The following ALKAL1 variants were observed in gnomAD, a reference collection of about 807,000 sequenced individuals.
The protein encoded by ALKAL1 is AUG-beta.
Under a neutral mutation model 13.5 loss-of-function variants are expected in ALKAL1, and 23 were observed. The ratio of observed to expected loss-of-function variants is 1.70; its 90% CI spans 1.23 to 2.41. ALKAL1 has a LOEUF of 2.41. Among genes scored for constraint, ALKAL1 ranks in the 30% most tolerant of loss-of-function variants. The probability of loss-of-function intolerance (pLI) is 0.00; values close to 1 mark genes in which losing one functional copy is unlikely to be tolerated. For synonymous variants in ALKAL1, 85 were observed against 77.7 expected, an observed-to-expected ratio of 1.09 and a Z score of -0.49; for missense variants, 181 against 178.4, an observed-to-expected ratio of 1.01 and a Z score of -0.08.
intron 1 of ALKAL1, among the ~76,000 whole-genome samples, chr8:52,552,211 C>T (rs1192096570): frequency 6.6e-6 from 1 of 152,116 alleles, no homozygotes; most frequent in Non-Finnish European, 1.5e-5. Context: ...TTGAGATTTG[C>T]CTGATGTTTT....
chr8:52,565,084 C>G lies in ALKAL1; in HGVS notation c.173G>C (p.Ser58Thr). 1 of 1,410,832 alleles carries G rather than the reference C, an allele frequency of 7.1e-7. No individual in the cohort carries two copies. The highest frequency in any genetic ancestry group is 9.3e-7 in the Non-Finnish European group (1 of 1,079,628). The allele number at this position is 1,410,832 out of a possible 1,614,324, so 87.4% of individuals were successfully genotyped here. A position where few individuals can be genotyped will look rare whatever the true frequency, so the allele number is the denominator to read the frequency against. ...CATCGTACCTGCGCTCCGGGAGCCG[C>G]TGGGAGTCCGGCCGGCCCCGGCCGC... Reference protein sequence around the residue: ...LPAAGAGRTPSGSRSAEIFPR... With the variant: ...LPAAGAGRTPTGSRSAEIFPR... The change falls in exon 1 of 5, where the codon AGC becomes ACC. Residue 58 changes from serine (S) to threonine (T), a missense_variant. By Grantham distance (58) the Ser-to-Thr change is moderately conservative (BLOSUM62 1). Transcript: ENST00000358543.
intron 1 of ALKAL1, among the ~76,000 whole-genome samples, chr8:52,562,160 A>G (rs1416639483): frequency 6.6e-6 from 1 of 152,130 alleles, no homozygotes; most frequent in East Asian, 1.9e-4. Flanking sequence ...GAGGAATGAG[A>G]GAGCAGGAGC....
chr8:52,548,454 G>C (rs1051462844), intron 1 of ALKAL1, among the ~76,000 whole-genome samples: 1 of 152,034 alleles, frequency 6.6e-6, no homozygotes, highest in African/African-American at 2.4e-5. Context: ...GATGACTACA[G>C]TAAACAATAA....
intron 1 of ALKAL1, among the ~76,000 whole-genome samples, chr8:52,562,746 G>A (rs1377974800): frequency 1.3e-5 from 2 of 150,390 alleles, no homozygotes; most frequent in South Asian, 2.1e-4. Context: ...TGCTTATTAC[G>A]TCACTACAGA....
intron 1 of ALKAL1, among the ~76,000 whole-genome samples, chr8:52,553,824 G>T (rs1847453273): frequency 6.6e-6 from 1 of 152,162 alleles, no homozygotes; most frequent in South Asian, 2.1e-4. Context: ...CTGATCTCAT[G>T]AAAATGATTT....
chr8:52,563,365 A>C (rs970117932), intron 1 of ALKAL1, among the ~76,000 whole-genome samples: 1 of 152,144 alleles, frequency 6.6e-6, no homozygotes, highest in Non-Finnish European at 1.5e-5. Flanking sequence ...CGGGAGGCGG[A>C]GGTTGCAATG....
intron 1 of ALKAL1, among the ~76,000 whole-genome samples, chr8:52,561,777 G>A (rs1300593511): frequency 2.0e-5 from 3 of 152,138 alleles, no homozygotes; most frequent in African/African-American, 7.2e-5. Context: ...TGTCAGTGAG[G>A]TTTTATATTA....
At position 52,538,488 on chromosome 8, in the gene ALKAL1, T is replaced by C. The variant is rs747915262; in HGVS notation, c.345A>G (p.Arg115=). Residue 115 remains arginine (R), a synonymous_variant, in exon 4 of 5, where the codon AGA becomes AGG. Coordinates refer to ENST00000358543, the MANE Select transcript of ALKAL1 (RefSeq NM_207413.4). ...STPAYYKRCA[R]LLTRLAVSPL... ...GACTCACTGCTAATCTTGTTAACAA[T>C]CTAGCACATCTTTTGTAATCTAGGA... is the stretch of plus-strand genomic sequence containing the variant. 1.8e-5 allele frequency: 29 copies of C among 1,609,548 alleles called. No individual in the cohort carries two copies. The Middle Eastern group carries it at 6.6e-4, about 37-fold the overall frequency.
chr8:52,546,718 G>A (rs929167804), intron 1 of ALKAL1, among the ~76,000 whole-genome samples: 1 of 152,230 alleles, frequency 6.6e-6, no homozygotes, highest in African/African-American at 2.4e-5. Flanking sequence ...GCCAATGGAT[G>A]CAGGACACAG....
chr8:52,546,209 CA>C (rs1469554487), intron 1 of ALKAL1, among the ~76,000 whole-genome samples: 1 of 152,196 alleles, frequency 6.6e-6, no homozygotes, highest in Non-Finnish European at 1.5e-5. Context: ...GGCTAGCAAA[CA>C]ACAGCTCCTG....
chr8:52,565,161 G>C lies in ALKAL1; in HGVS notation c.96C>G (p.Arg32=). ...PHGAHGRPRG[R]RGARVTDKEP... ...CCTTATCCGTGACGCGCGCTCCCCT[G>C]CGCCCCCGGGGCCTCCCGTGGGCTC... The change falls in exon 1 of 5, where the codon CGC becomes CGG. Residue 32 remains arginine, a synonymous_variant. Transcript: ENST00000358543. 1 of 1,393,896 alleles carries C rather than the reference G, an allele frequency of 7.2e-7. No homozygotes were observed. The highest frequency in any genetic ancestry group is 9.4e-7 in the Non-Finnish European group (1 of 1,065,348). 86.3% of individuals were successfully genotyped at this position (1,393,896 alleles called of 1,614,324 possible). A position where few individuals can be genotyped will look rare whatever the true frequency, so the allele number is the denominator to read the frequency against.
Position 52,565,072 on chromosome 8 carries a change from C to G in ALKAL1, c.185G>C (p.Ser62Thr). 2.1e-6 allele frequency: 3 copies of G among 1,400,742 alleles called. No individual in the cohort carries two copies. The highest frequency in any genetic ancestry group is 2.8e-6 in the Non-Finnish European group (3 of 1,075,164). The allele number at this position is 1,400,742 out of a possible 1,614,324, so 86.8% of individuals were successfully genotyped here. ...GCGGGATGGGGACATCGTACCTGCGCTCCGGGAGCCGCTGGGAGTCCGGCC... is the reference window on the plus strand; with the variant it reads ...GCGGGATGGGGACATCGTACCTGCGGTCCGGGAGCCGCTGGGAGTCCGGCC... ...GAGRTPSGSRSAEIFPRDSNL... is the reference protein window; with the variant it reads ...GAGRTPSGSRTAEIFPRDSNL... Residue 62 changes from serine to threonine, a missense_variant, in exon 1 of 5, where the codon AGC becomes ACC. Physicochemically the swap from Ser to Thr is moderately conservative, Grantham distance 58. Coordinates refer to ENST00000358543, the MANE Select transcript of ALKAL1 (RefSeq NM_207413.4).
At chr8:52,535,385 CAAAAA>C (rs879837990) in intron 4 of ALKAL1, among the ~76,000 whole-genome samples, 1 of 116,500 alleles carries the variant, frequency 8.6e-6, no homozygotes, top group Non-Finnish European at 1.8e-5. Context: ...CTGTTGCCAC[CAAAAA>C]AAAAAAAAAA....
rs189416177 is a variant in ALKAL1 at position 52,563,689 on chromosome 8, T to C, written c.190+1378A>G. On this transcript the variant is annotated intron_variant, in intron 1 of 4. Transcript: ENST00000358543. ...ATGATCTGTGTGCACCATTGCTGCATGGCCGTGCTGCGGACACTGACCCTG... is the reference window on the plus strand; with the variant it reads ...ATGATCTGTGTGCACCATTGCTGCACGGCCGTGCTGCGGACACTGACCCTG... Among the ~76,000 whole-genome samples the C allele has an allele frequency of 5.1e-3, 776 of 152,358 alleles. 7 individuals are homozygous for C. Among genetic ancestry groups the C allele is most frequent in the African/African-American group, 0.018 (750 of 41,590 alleles).
intron 4 of ALKAL1, among the ~76,000 whole-genome samples, chr8:52,538,090 A>G (rs1481753466): frequency 7.2e-6 from 1 of 138,192 alleles, no homozygotes; most frequent in African/African-American, 2.8e-5. Flanking sequence ...TCTGCCTCCG[A>G]AAAAAAAAAA....
At chr8:52,539,982 T>C in intron 2 of ALKAL1, 71 bp from the exon 3 acceptor site, 1 of 1,335,148 alleles carries the variant, frequency 7.5e-7, no homozygotes, top group Non-Finnish European at 1.1e-6. Flanking sequence ...TAGCACTTTA[T>C]GGGTGGATAT....
At chr8:52,556,646 CAAAAAAA>C (rs59483863) in intron 1 of ALKAL1, among the ~76,000 whole-genome samples, 4 of 51,368 alleles carry the variant, frequency 7.8e-5, no homozygotes, top group East Asian at 4.4e-4. Context: ...AACTCTGTCT[CAAAAAAA>C]AAAAAAAAAA....
intron 4 of ALKAL1, among the ~76,000 whole-genome samples, chr8:52,537,761 A>G (rs1847277059): frequency 6.6e-6 from 1 of 152,044 alleles, no homozygotes; most frequent in Non-Finnish European, 1.5e-5. Flanking sequence ...GAGCTAAAAA[A>G]AAAAAAGCTC....
chr8:52,554,357 C>T (rs2150346877), intron 1 of ALKAL1, among the ~76,000 whole-genome samples: 1 of 152,304 alleles, frequency 6.6e-6, no homozygotes, highest in African/African-American at 2.4e-5. Flanking sequence ...TTGCGGAAAA[C>T]ACAGGATCAA....
Sources: allele counts gnomAD v4.1 joint callset (sites outside exome capture counted in the v4.1 genomes callset), GRCh38; gene constraint gnomAD v4.1.1; transcripts MANE v1.5; gene names NCBI Gene and HGNC (gene_info 2026-07-23, HGNC 2026-07-21).